VN1R1: variants seen among roughly 807,000 people sequenced by gnomAD.
VN1R1 encodes vomeronasal 1 receptor 1.
For synonymous variants in VN1R1, 168 were observed against 149.8 expected (o/e 1.12, Z -0.89); for missense variants, 391 against 410.3 (o/e 0.95, Z 0.41).
chr19:57,456,557 G>A lies in VN1R1; in HGVS notation c.-71C>T, dbSNP rs2089133577. The A allele has an allele frequency of 7.7e-7, 1 of 1,298,458 alleles. No individual in the cohort carries two copies. Among genetic ancestry groups the A allele is most frequent in the Non-Finnish European group, 1.0e-6 (1 of 965,892 alleles). 80.4% of individuals were successfully genotyped at this position (1,298,458 alleles called of 1,614,324 possible). A position where few individuals can be genotyped will look rare whatever the true frequency, so the allele number is the denominator to read the frequency against. On this transcript the variant is annotated 5_prime_UTR_variant, in exon 1 of 1. Transcript: ENST00000321039. ...AAGGCAATTGCTTGTGTGTCCAACT[G>A]CAGAGAAGCAGGTGAATGAATGAGG...
Position 57,455,431 on chromosome 19 carries a change from C to T in VN1R1, c.1056G>A (p.Met352Ile), listed in dbSNP as rs945081791. ...TTCCATGAAGAGAAAAGACTCATGG[C>T]ATGACAACCAGATTAGGAAAGAGTG... Reference protein sequence around the residue: ...RKTLFPNLVVMP With the variant: ...RKTLFPNLVVIP Residue 352 changes from methionine to isoleucine, a missense_variant, in exon 1 of 1, where the codon ATG becomes ATA. Transcript: ENST00000321039. 1 of 1,608,284 alleles carries T rather than the reference C, an allele frequency of 6.2e-7. No individual in the cohort carries two copies. The highest frequency in any genetic ancestry group is 8.5e-7 in the Non-Finnish European group (1 of 1,177,166).
chr19:57,456,547 G>C lies in VN1R1; in HGVS notation c.-61C>G, dbSNP rs187683464. ...TGTTCGTGCAAAGGCAATTGCTTGT[G>C]TGTCCAACTGCAGAGAAGCAGGTGA... On this transcript the variant is annotated 5_prime_UTR_variant, in exon 1 of 1. Coordinates refer to ENST00000321039, the MANE Select transcript of VN1R1 (RefSeq NM_020633.4). The C allele has an allele frequency of 4.0e-4, 544 of 1,371,184 alleles. 2 individuals are homozygous for C. The African/African-American group carries it at 7.4e-3, about 19-fold the overall frequency. The allele number at this position is 1,371,184 out of a possible 1,614,324, so 84.9% of individuals were successfully genotyped here.
In VN1R1 at chr19:57,456,403, G is replaced by A; in HGVS notation, c.84C>T (p.Asp28=). ...FLLFYSTDSS[D]LNENQHPLDF... ...CTAGGGGATGTTGATTTTCATTGAGGTCTGAAGAATCAGTAGAATAAAAAA... is the reference window on the plus strand; with the variant it reads ...CTAGGGGATGTTGATTTTCATTGAGATCTGAAGAATCAGTAGAATAAAAAA... Residue 28 remains aspartate (D), a synonymous_variant, in exon 1 of 1, where the codon GAC becomes GAT. Transcript: ENST00000321039. 1.2e-6 allele frequency: 2 copies of A among 1,612,076 alleles called. No homozygotes were observed. Among genetic ancestry groups the A allele is most frequent in the Non-Finnish European group, 1.7e-6 (2 of 1,178,520 alleles).
In VN1R1 at chr19:57,456,668, G is replaced by A. The variant is rs1401631070; in HGVS notation, c.-182C>T. On this transcript the variant is annotated 5_prime_UTR_variant, in exon 1 of 1. Transcript: ENST00000321039. ...AACAAGTAAATACAAGCAAAACTAG[G>A]GAAATATATAAAAACAGAACACAGA... 1 of 497,644 alleles carries A rather than the reference G, an allele frequency of 2.0e-6. No individual in the cohort carries two copies. The highest frequency in any genetic ancestry group is 4.0e-5 in the South Asian group (1 of 24,916). The allele number at this position is 497,644 out of a possible 1,614,324, so 30.8% of individuals were successfully genotyped here.
rs1462715482 is a variant in VN1R1, at chr19:57,454,958, G to T, written c.*467C>A. 6.4e-6 allele frequency: 1 copy of T among 156,212 alleles called. No individual in the cohort carries two copies. Among genetic ancestry groups the T allele is most frequent in the African/African-American group, 2.4e-5 (1 of 41,428 alleles). The allele number at this position is 156,212 out of a possible 1,614,324, so 9.7% of individuals were successfully genotyped here. On this transcript the variant is annotated 3_prime_UTR_variant, in exon 1 of 1. Transcript: ENST00000321039. Reference sequence around the variant, plus strand: ...AACTCCTGGCCTCAAGTCATCTTGAGTGGATCACTTGAGGCATTTGGGAGT... The same window carrying T: ...AACTCCTGGCCTCAAGTCATCTTGATTGGATCACTTGAGGCATTTGGGAGT...
chr19:57,455,039 C>CA lies in VN1R1; in HGVS notation c.*385dup. On this transcript the variant is annotated 3_prime_UTR_variant, in exon 1 of 1. Coordinates refer to ENST00000321039, the MANE Select transcript of VN1R1 (RefSeq NM_020633.4). ...GGCGTGAGCCACTGTGCCCGGCCTG[C>CA]ACATGTCTTTCTTACATGTGGACTC... The CA allele has an allele frequency of 5.7e-6, 1 of 176,626 alleles. No individual in the cohort carries two copies. Among genetic ancestry groups the CA allele is most frequent in the Non-Finnish European group, 1.2e-5 (1 of 83,258 alleles). 10.9% of individuals were successfully genotyped at this position (176,626 alleles called of 1,614,324 possible).
At position 57,455,906 on chromosome 19, in the gene VN1R1, A is replaced by C. The variant is rs765384904; in HGVS notation, c.581T>G (p.Leu194Arg). Residue 194 changes from leucine to arginine, a missense_variant, in exon 1 of 1, where the codon CTG becomes CGG. Transcript: ENST00000321039. ...TTTTGCACTACTGTTTTTGCTATTC[A>C]GTGGGCCATTCACTAATAGAAGAAC... ...ASVLLLVNGP[L>R]NSKNSSAKNN... 1 of 1,614,240 alleles carries C rather than the reference A, an allele frequency of 6.2e-7. No homozygotes were observed. Among genetic ancestry groups the C allele is most frequent in the Non-Finnish European group, 8.5e-7 (1 of 1,180,042 alleles).
chr19:57,455,591 A>G lies in VN1R1; in HGVS notation c.896T>C (p.Val299Ala), dbSNP rs770474263. Residue 299 changes from valine (V) to alanine (A), a missense_variant, in exon 1 of 1, where the codon GTT (valine) becomes GCT (alanine). Physicochemically the swap from Val to Ala is moderately conservative, Grantham distance 64. Coordinates refer to ENST00000321039, the MANE Select transcript of VN1R1 (RefSeq NM_020633.4). ...CACTATCCACTGGCCTGGGTTTGCA[A>G]CTACAGTTGTCCAAATTGTCAGAAA... Reference protein sequence around the residue: ...HSFLTIWTTVVANPGQWIVTN... With the variant: ...HSFLTIWTTVAANPGQWIVTN... 6.2e-7 allele frequency: 1 copy of G among 1,614,236 alleles called. No homozygotes were observed. Among genetic ancestry groups the G allele is most frequent in the East Asian group, 2.2e-5 (1 of 44,882 alleles).
Position 57,456,368 on chromosome 19 carries a change from T to G in VN1R1, c.119A>C (p.Glu40Ala), listed in dbSNP as rs142773209. 3.7e-6 allele frequency: 6 copies of G among 1,613,846 alleles called. No individual in the cohort carries two copies. Among genetic ancestry groups the G allele is most frequent in the Non-Finnish European group, 5.1e-6 (6 of 1,179,820 alleles). ...NENQHPLDFD[E>A]MAFGKVKSGI... ...TGATTTTACTTTTCCAAAAGCCATT[T>G]CATCAAAATCTAGGGGATGTTGATT... is the stretch of plus-strand genomic sequence containing the variant. Residue 40 changes from glutamate to alanine, a missense_variant, in exon 1 of 1, where the codon GAA becomes GCA. By Grantham distance (107) the Glu-to-Ala change is moderately radical. Coordinates refer to ENST00000321039, the MANE Select transcript of VN1R1 (RefSeq NM_020633.4).
Position 57,455,292 on chromosome 19 carries a change from TG to T in VN1R1, c.*132del. 3.7e-6 allele frequency: 3 copies of T among 801,102 alleles called. No individual in the cohort carries two copies. Among genetic ancestry groups the T allele is most frequent in the Non-Finnish European group, 3.9e-6 (2 of 514,904 alleles). The allele number at this position is 801,102 out of a possible 1,614,324, so 49.6% of individuals were successfully genotyped here. A position where few individuals can be genotyped will look rare whatever the true frequency, so the allele number is the denominator to read the frequency against. ...TATCCATGACTTTCATTTTTAGCTCTGGTATTAGATCTTCCTGGACAAGAGC... is the reference window on the plus strand; with the variant it reads ...TATCCATGACTTTCATTTTTAGCTCTGTATTAGATCTTCCTGGACAAGAGC... On this transcript the variant is annotated 3_prime_UTR_variant, in exon 1 of 1. Transcript: ENST00000321039.
In VN1R1 at chr19:57,456,136, A is replaced by G. The variant is rs1370952281; in HGVS notation, c.351T>C (p.Asn117=). 9.9e-6 allele frequency: 16 copies of G among 1,614,112 alleles called. No individual in the cohort carries two copies. The highest frequency in any genetic ancestry group is 1.3e-5 in the African/African-American group (1 of 74,948). ...AAAAGACAAACTTACATCCAGTGTCATTCAGCAAATATTTCAATCCAAAAG... is the reference window on the plus strand; with the variant it reads ...AAAAGACAAACTTACATCCAGTGTCGTTCAGCAAATATTTCAATCCAAAAG... The part of the protein sequence containing the change: ...MAAFGLKYLL[N]DTGCKFVFYY... Residue 117 remains asparagine, a synonymous_variant, in exon 1 of 1, where the codon AAT becomes AAC. Coordinates refer to ENST00000321039, the MANE Select transcript of VN1R1 (RefSeq NM_020633.4).
At position 57,455,818 on chromosome 19, in the gene VN1R1, T is replaced by G. The variant is rs375472833; in HGVS notation, c.669A>C (p.Leu223Phe). 7 of 1,614,082 alleles carry G rather than the reference T, an allele frequency of 4.3e-6. No homozygotes were observed. In the African/African-American group the frequency reaches 9.3e-5, roughly 22 times the overall value. The change falls in exon 1 of 1, where the codon TTA becomes TTC. Residue 223 changes from leucine to phenylalanine, a missense_variant. Coordinates refer to ENST00000321039, the MANE Select transcript of VN1R1 (RefSeq NM_020633.4). ...AACTCATAAAATCAGGGGAAAAATA[T>G]AAGACTGCATGTAATGAGCTAAATC... ...SKRFSSLHAV[L>F]YFSPDFMSLG...
At chr19:57,455,823 CTG>C in the VN1R1 span, 1 of 1,614,216 alleles carries the variant, frequency 6.2e-7, no homozygotes, top group Admixed American at 1.7e-5. Context: ...AAATATAAGA[CTG>C]CATGTAATGA....
Position 57,456,177 on chromosome 19 carries a change from GTATCCCTTT to G in VN1R1, c.301_309del (p.Lys101_Ile103del), listed in dbSNP as rs2089131017. The G allele has an allele frequency of 6.2e-7, 1 of 1,614,070 alleles. No homozygotes were observed. Among genetic ancestry groups the G allele is most frequent in the African/African-American group, 1.3e-5 (1 of 74,910 alleles). On this transcript the variant is annotated inframe_deletion, in exon 1 of 1. Transcript: ENST00000321039. ...AATCCAAAAGCTGCCATTGTCTGAG[GTATCCCTTT>G]AAAGAAAAGGACCATGGAGTTAGCC... is the stretch of plus-strand genomic sequence containing the variant.
chr19:57,455,687 TG>T, the VN1R1 span: 3 of 1,614,142 alleles, frequency 1.9e-6, no homozygotes, highest in Non-Finnish European at 2.5e-6. Flanking sequence ...TCTGGCTTCC[TG>T]GGAAGGTCTG....
At position 57,455,758 on chromosome 19, in the gene VN1R1, G is replaced by A; in HGVS notation, c.729C>T (p.Val243=). 1 of 1,613,988 alleles carries A rather than the reference G, an allele frequency of 6.2e-7. No homozygotes were observed. The highest frequency in any genetic ancestry group is 8.5e-7 in the Non-Finnish European group (1 of 1,179,904). The part of the protein sequence containing the change: ...GFMVWASGSM[V]FFLYRHKQQV... ...GCTGCTTGTGTCTGTAGAGGAAGAA[G>A]ACCATGGAGCCACTGGCCCAGACCA... The change falls in exon 1 of 1, where the codon GTC becomes GTT. Residue 243 remains valine, a synonymous_variant. Transcript: ENST00000321039.
chr19:57,456,271 T>C lies in VN1R1; in HGVS notation c.216A>G (p.Leu72=), dbSNP rs750773883. Reference sequence around the variant, plus strand: ...TCAGCTTGTGTCCAGTGAACAAAATTAAGTTATAAAAACAAAGGAGAAAGG... The same window carrying C: ...TCAGCTTGTGTCCAGTGAACAAAATCAAGTTATAAAAACAAAGGAGAAAGG... The part of the protein sequence containing the change: ...GNSFLLCFYN[L]ILFTGHKLRP... The change falls in exon 1 of 1, where the codon TTA becomes TTG. Residue 72 remains leucine, a synonymous_variant. Transcript: ENST00000321039. The C allele has an allele frequency of 2.3e-5, 37 of 1,613,482 alleles. No homozygotes were observed. The highest frequency in any genetic ancestry group is 3.1e-5 in the Non-Finnish European group (36 of 1,179,788).
Position 57,455,993 on chromosome 19 carries a change from G to A in VN1R1, c.494C>T (p.Pro165Leu), listed in dbSNP as rs557149694. 9 of 1,614,038 alleles carry A rather than the reference G, an allele frequency of 5.6e-6. No individual in the cohort carries two copies. Among genetic ancestry groups the A allele is most frequent in the African/African-American group, 1.3e-5 (1 of 74,898 alleles). ...CRWMEIKIRS[P>L]RFIDFCCLLC... ...GAGACAACAGAAGTCAATAAACCTT[G>A]GGGATCTAATCTTGATCTCCATCCA... Residue 165 changes from proline to leucine, a missense_variant, in exon 1 of 1, where the codon CCA becomes CTA. By Grantham distance (98) the Pro-to-Leu change is moderately conservative. Coordinates refer to ENST00000321039, the MANE Select transcript of VN1R1 (RefSeq NM_020633.4).
chr19:57,456,807 G>T lies in VN1R1; in HGVS notation c.-321C>A. On this transcript the variant is annotated 5_prime_UTR_variant, in exon 1 of 1. It introduces an in-frame stop codon into an upstream open reading frame of the 5' UTR. Coordinates refer to ENST00000321039, the MANE Select transcript of VN1R1 (RefSeq NM_020633.4). ...TGTATTATTTCTTATGACTGCTTGT[G>T]AGTCTACACTTATTTCAATAAAACC... The T allele has an allele frequency of 4.6e-6, 1 of 215,836 alleles. No homozygotes were observed. The highest frequency in any genetic ancestry group is 9.1e-6 in the Non-Finnish European group (1 of 110,290). 13.4% of individuals were successfully genotyped at this position (215,836 alleles called of 1,614,324 possible). A position where few individuals can be genotyped will look rare whatever the true frequency, so the allele number is the denominator to read the frequency against.
Sources: allele counts gnomAD v4.1 joint callset, GRCh38; gene constraint gnomAD v4.1.1; transcripts MANE v1.5; gene names NCBI Gene and HGNC (gene_info 2026-07-23, HGNC 2026-07-21).